NEDD4: variants seen among roughly 807,000 people sequenced by gnomAD.
NEDD4 encodes the protein NEDD4 E3 ubiquitin protein ligase.
In NEDD4, 99 loss-of-function variants were observed where a neutral mutation model predicts 144.9. That is an observed-to-expected ratio of 0.68 (90% CI 0.58 to 0.81). The LOEUF is 0.81. Ranked by LOEUF, NEDD4 falls within the 30% of genes least tolerant of loss-of-function variation. The pLI, the probability that NEDD4 is intolerant of heterozygous loss-of-function variation, is 0.00. For missense variants in NEDD4, 985 were observed against 1,065.9 expected, an observed-to-expected ratio of 0.92 and a Z score of 1.06; for synonymous variants, 318 against 350.6, an observed-to-expected ratio of 0.91 and a Z score of 1.04.
intron 24 of NEDD4, among the ~76,000 whole-genome samples, chr15:55,834,627 C>CA (rs1157473685): frequency 6.6e-6 from 1 of 151,926 alleles, no homozygotes; most frequent in Non-Finnish European, 1.5e-5. Context: ...ACCATCTCTA[C>CA]AAAAAAATAC....
intron 9 of NEDD4, among the ~76,000 whole-genome samples, chr15:55,862,312 G>T (rs1290582206): frequency 6.6e-6 from 1 of 151,998 alleles, no homozygotes; most frequent in African/African-American, 2.4e-5. Context: ...AAAATGGAAG[G>T]GGATTTGAGA....
chr15:55,881,955 A>G (rs1394924278), intron 5 of NEDD4, among the ~76,000 whole-genome samples: 1 of 152,182 alleles, frequency 6.6e-6, no homozygotes, highest in Non-Finnish European at 1.5e-5. Flanking sequence ...ATAACAACCA[A>G]AAACATTTTC....
chr15:55,966,362 T>C, intron 2 of NEDD4, 111 bp downstream of exon 2: 2 of 645,466 alleles, frequency 3.1e-6, no homozygotes, highest in East Asian at 3.2e-5. Flanking sequence ...ATTATTATAC[T>C]TTCCACAACA....
chr15:55,912,544 T>A (rs1371952487), intron 5 of NEDD4, among the ~76,000 whole-genome samples: 1 of 152,078 alleles, frequency 6.6e-6, no homozygotes, highest in Non-Finnish European at 1.5e-5. Flanking sequence ...CTAATGCACA[T>A]TAAATAATAG....
intron 1 of NEDD4, among the ~76,000 whole-genome samples, chr15:55,973,183 A>G (rs2037640502): frequency 2.0e-5 from 3 of 152,264 alleles, no homozygotes; most frequent in Admixed American, 2.0e-4. Flanking sequence ...CATAATACAT[A>G]TTCTTCTCCT....
intron 4 of NEDD4, among the ~76,000 whole-genome samples, chr15:55,929,079 A>G (rs1347295670): frequency 2.0e-5 from 3 of 152,200 alleles, no homozygotes; most frequent in Non-Finnish European, 4.4e-5. Context: ...TACCTAGCAG[A>G]CAGATGAAGC....
intron 5 of NEDD4, among the ~76,000 whole-genome samples, chr15:55,887,071 A>G (rs2035417890): frequency 6.6e-6 from 1 of 152,042 alleles, no homozygotes; most frequent in Non-Finnish European, 1.5e-5. Context: ...AAACAGCGTA[A>G]AAAGTGCATC....
At chr15:55,955,251 A>G (rs67144308) in intron 2 of NEDD4, among the ~76,000 whole-genome samples, 20,431 of 152,052 alleles carry the variant, frequency 0.13, 1,499 homozygotes, top group East Asian at 0.32. Flanking sequence ...TCAAATTTGC[A>G]GGCTCAAGTG....
chr15:55,889,524 C>T (rs1433717081), intron 5 of NEDD4, among the ~76,000 whole-genome samples: 1 of 152,006 alleles, frequency 6.6e-6, no homozygotes, highest in Non-Finnish European at 1.5e-5. Context: ...AAAATTAAAA[C>T]AATTGAACTG....
At chr15:55,830,653 T>C in intron 27 of NEDD4, 67 bp from the exon 28 acceptor site, 1 of 1,328,420 alleles carries the variant, frequency 7.5e-7, no homozygotes, top group Non-Finnish European at 1.1e-6. Context: ...TCAAAACTTT[T>C]TCTAGTGTAC....
In NEDD4 at chr15:55,840,473, T is replaced by C. The variant is rs768095018; in HGVS notation, c.2005A>G (p.Ile669Val). Reference protein sequence around the residue: ...PFYKMMLHKPITLHDMESVDS... With the variant: ...PFYKMMLHKPVTLHDMESVDS... ...ACAGATTCCATATCATGAAGGGTTATTGGTTTGTGAAGCATCATCTTGTAA... is the reference window on the plus strand; with the variant it reads ...ACAGATTCCATATCATGAAGGGTTACTGGTTTGTGAAGCATCATCTTGTAA... The change falls in exon 21 of 29, where the codon ATA becomes GTA. Residue 669 changes from isoleucine (I) to valine (V), a missense_variant. Coordinates refer to ENST00000435532, the MANE Select transcript of NEDD4 (RefSeq NM_006154.4). 2.1e-5 allele frequency: 34 copies of C among 1,613,996 alleles called. No individual in the cohort carries two copies. In the Admixed American group the frequency reaches 2.7e-4, roughly 13 times the overall value.
intron 1 of NEDD4, among the ~76,000 whole-genome samples, chr15:55,984,396 A>C (rs1469979746): frequency 2.6e-5 from 4 of 152,212 alleles, no homozygotes; most frequent in Non-Finnish European, 5.9e-5. Flanking sequence ...AATACTTCCT[A>C]CTTCTGCAAT....
At chr15:55,893,924 C>T (rs1289840653) in intron 5 of NEDD4, among the ~76,000 whole-genome samples, 1 of 151,736 alleles carries the variant, frequency 6.6e-6, no homozygotes, top group Non-Finnish European at 1.5e-5. Flanking sequence ...TTCTTTCCTA[C>T]TTCCTTATTG....
At chr15:55,974,891 CTTTTTTTTTTTTT>C (rs56285555) in intron 1 of NEDD4, among the ~76,000 whole-genome samples, 1 of 75,700 alleles carries the variant, frequency 1.3e-5, no homozygotes, top group Non-Finnish European at 2.5e-5. Context: ...CTTTTCCTTT[CTTTTTTTTTTTTT>C]TTTTTTTTGA....
chr15:55,884,489 G>T (rs1419758770), intron 5 of NEDD4, among the ~76,000 whole-genome samples: 2 of 152,220 alleles, frequency 1.3e-5, no homozygotes, highest in South Asian at 4.1e-4. Flanking sequence ...AGAGATATAT[G>T]TGACCTTTCA....
At chr15:55,858,152 C>T (rs981948921) in intron 11 of NEDD4, among the ~76,000 whole-genome samples, 2 of 152,000 alleles carry the variant, frequency 1.3e-5, no homozygotes, top group African/African-American at 2.4e-5. Context: ...AGGGATTGTT[C>T]CATCCAACAT....
Position 55,838,147 on chromosome 15 carries a change from C to T in NEDD4, c.2161G>A (p.Glu721Lys), listed in dbSNP as rs1279499435. 6.3e-7 allele frequency: 1 copy of T among 1,596,464 alleles called. No individual in the cohort carries two copies. Among genetic ancestry groups the T allele is most frequent in the Non-Finnish European group, 8.6e-7 (1 of 1,168,934 alleles). ...TTGTTCTTATTGGTGACAACTATTT[C>T]TGATCCACCATTTTTCAGCTCATGT... The part of the protein sequence containing the change: ...HQHELKNGGS[E>K]IVVTNKNKKE... The change falls in exon 23 of 29, where the codon GAA becomes AAA. Residue 721 changes from glutamate (E) to lysine (K), a missense_variant. Transcript: ENST00000435532.
At chr15:55,843,010 C>T (rs780235915) in intron 18 of NEDD4, among the ~76,000 whole-genome samples, 54 of 152,256 alleles carry the variant, frequency 3.5e-4, no homozygotes, top group Non-Finnish European at 7.2e-4. Flanking sequence ...ATTATGGGGG[C>T]GGATCTTTCC....
At chr15:55,831,745 G>A (rs1236598961) in intron 27 of NEDD4, among the ~76,000 whole-genome samples, 2 of 152,124 alleles carry the variant, frequency 1.3e-5, no homozygotes, top group African/African-American at 4.8e-5. Context: ...CCATCATATG[G>A]TCAGCTTCTA....
Sources: allele counts gnomAD v4.1 joint callset (sites outside exome capture counted in the v4.1 genomes callset), GRCh38; gene constraint gnomAD v4.1.1; transcripts MANE v1.5; gene names NCBI Gene and HGNC (gene_info 2026-07-23, HGNC 2026-07-21).